The following WDR36 variants were observed in gnomAD, a reference collection of about 807,000 sequenced individuals.
WDR36 encodes WD repeat-containing protein 36.
Under a neutral mutation model 112.7 loss-of-function variants are expected in WDR36, and 63 were observed. The observed-to-expected ratio is 0.56, with a 90% confidence interval of 0.46 to 0.69. The LOEUF is 0.69. Among genes scored for constraint, WDR36 ranks in the 30% least tolerant of loss-of-function variants. WDR36 has a pLI of 0.00. For synonymous variants in WDR36, 410 were observed against 362.2 expected (o/e 1.13, Z -1.50); for missense variants, 1,226 against 1,070.3 (o/e 1.15, Z -2.03).
Position 111,110,814 on chromosome 5 carries a change from G to T in WDR36, c.1468G>T (p.Ala490Ser), listed in dbSNP as rs141994078. The stretch of plus-strand genomic sequence containing the variant: ...TCACAAGGGATCTGTTAGAGGTGTC[G>T]CAGTGGATGGATTAAACCAGTTGAC... ...QAHKGSVRGV[A>S]VDGLNQLTVT... The change falls in exon 14 of 23, where the codon GCA (alanine) becomes TCA (serine). Residue 490 changes from alanine (A) to serine (S), a missense_variant. Coordinates refer to ENST00000513710, the MANE Select transcript of WDR36 (RefSeq NM_139281.3). The T allele has an allele frequency of 5.6e-6, 9 of 1,610,966 alleles. No homozygotes were observed. Among genetic ancestry groups the T allele is most frequent in the Non-Finnish European group, 7.6e-6 (9 of 1,178,094 alleles).
chr5:111,093,202 G>C (rs1386259499), intron 1 of WDR36, among the ~76,000 whole-genome samples: 2 of 152,190 alleles, frequency 1.3e-5, no homozygotes, highest in African/African-American at 2.4e-5. Flanking sequence ...ATCTATTAAA[G>C]TAAATTTCAG....
In WDR36 at chr5:111,110,236, A is replaced by G; in HGVS notation, c.1374A>G (p.Ser458=). Residue 458 remains serine, a synonymous_variant, in exon 13 of 23, where the codon TCA becomes TCG. Coordinates refer to ENST00000513710, the MANE Select transcript of WDR36 (RefSeq NM_139281.3). ...GAAACTTTGCTGTAATTGGCCTCTCATCAGGAACTGTAGATGTATATAACA... is the reference window on the plus strand; with the variant it reads ...GAAACTTTGCTGTAATTGGCCTCTCGTCAGGAACTGTAGATGTATATAACA... The part of the protein sequence containing the change: ...SCGNFAVIGL[S]SGTVDVYNMQ... 6.2e-7 allele frequency: 1 copy of G among 1,610,604 alleles called. No individual in the cohort carries two copies. Among genetic ancestry groups the G allele is most frequent in the Non-Finnish European group, 8.5e-7 (1 of 1,177,312 alleles).
At chr5:111,108,231 TTTTTTGTTTTGTTTTG>T (rs1184027951) in intron 12 of WDR36, among the ~76,000 whole-genome samples, 71 of 151,348 alleles carry the variant, frequency 4.7e-4, no homozygotes, top group Non-Finnish European at 7.9e-4. Context: ...GAAGTAGAGT[TTTTTTGTTTTGTTTTG>T]TTTTTGTTTT....
chr5:111,104,614 G>C, intron 8 of WDR36, 83 bp from the exon 9 acceptor site: 1 of 1,601,576 alleles, frequency 6.2e-7, no homozygotes, highest in South Asian at 1.1e-5. Context: ...CTCAATACCA[G>C]TTGATTTATG....
intron 12 of WDR36, among the ~76,000 whole-genome samples, chr5:111,109,942 C>G (rs1310687803): frequency 6.6e-6 from 1 of 151,196 alleles, no homozygotes; most frequent in South Asian, 2.1e-4. Flanking sequence ...ATTGAGTTAA[C>G]CTTAGTTATG....
At chr5:111,106,994 T>A (rs1288409425) in intron 11 of WDR36, among the ~76,000 whole-genome samples, 1 of 151,468 alleles carries the variant, frequency 6.6e-6, no homozygotes, top group East Asian at 1.9e-4. Context: ...TGTCATACTT[T>A]ATTGTAATTT....
In WDR36 at chr5:111,123,837, A is replaced by G. The variant is rs200209204; in HGVS notation, c.2181A>G (p.Val727=). 4 of 1,613,948 alleles carry G rather than the reference A, an allele frequency of 2.5e-6. No individual in the cohort carries two copies. The Admixed American group carries it at 6.7e-5, about 27-fold the overall frequency. The change falls in exon 20 of 23, where the codon GTA becomes GTG. Residue 727 remains valine, a synonymous_variant. Coordinates refer to ENST00000513710, the MANE Select transcript of WDR36 (RefSeq NM_139281.3). ...ATAAACCAAAGGAACCACCCAAAGT[A>G]CCCAAATCAGCACCATTTTTCATTC... The part of the protein sequence containing the change: ...KKNKPKEPPK[V]PKSAPFFIPT...
Position 111,104,159 on chromosome 5 carries a change from A to G in WDR36, c.731-18A>G, listed in dbSNP as rs1011119715. The G allele has an allele frequency of 6.2e-7, 1 of 1,602,078 alleles. No homozygotes were observed. The highest frequency in any genetic ancestry group is 8.5e-7 in the Non-Finnish European group (1 of 1,171,810). ...GATCTAGAAGTATTTTTCTTAATGTATTTTATTTTAATAACAGATGGTCAT... is the reference window on the plus strand; with the variant it reads ...GATCTAGAAGTATTTTTCTTAATGTGTTTTATTTTAATAACAGATGGTCAT... On this transcript the variant is annotated intron_variant, in intron 7 of 22. Transcript: ENST00000513710.
chr5:111,108,970 C>T (rs928454256), intron 12 of WDR36, among the ~76,000 whole-genome samples: 3 of 151,254 alleles, frequency 2.0e-5, no homozygotes, highest in East Asian at 3.9e-4. Flanking sequence ...AGCAAAAATA[C>T]GTATAGAGAG....
intron 5 of WDR36, among the ~76,000 whole-genome samples, chr5:111,101,307 G>T (rs1753115971): frequency 6.6e-6 from 1 of 151,886 alleles, no homozygotes; most frequent in African/African-American, 2.4e-5. Flanking sequence ...AATTGCTATA[G>T]AGAAGGCTCT....
Position 111,106,107 on chromosome 5 carries a change from T to G in WDR36, c.1144T>G (p.Ser382Ala). Residue 382 changes from serine (S) to alanine (A), a missense_variant, in exon 11 of 23, where the codon TCA becomes GCA. Ser to Ala is a moderately conservative substitution (Grantham distance 99). Transcript: ENST00000513710. ...VKRKGLQNTMSVRLPPITKFA... is the reference protein window; with the variant it reads ...VKRKGLQNTMAVRLPPITKFA... Reference sequence around the variant, plus strand: ...ACGTAAAGGACTTCAGAATACCATGTCAGTGAGACTTCCACCCATCACAAA... The same window carrying G: ...ACGTAAAGGACTTCAGAATACCATGGCAGTGAGACTTCCACCCATCACAAA... 6.2e-7 allele frequency: 1 copy of G among 1,610,140 alleles called. No individual in the cohort carries two copies. The highest frequency in any genetic ancestry group is 1.1e-5 in the South Asian group (1 of 90,998).
chr5:111,124,530 G>C (rs537645412), intron 21 of WDR36, among the ~76,000 whole-genome samples: 1 of 152,098 alleles, frequency 6.6e-6, no homozygotes, highest in Non-Finnish European at 1.5e-5. Flanking sequence ...TTTGTAGCAA[G>C]TAATTTGCAA....
At chr5:111,105,512 C>CTTTGATGCTAGG in intron 10 of WDR36, 152 bp downstream of exon 10, 1 of 765,636 alleles carries the variant, frequency 1.3e-6, no homozygotes, top group Non-Finnish European at 2.2e-6. Flanking sequence ...TTCCTAGCAT[C>CTTTGATGCTAGG]AAAGTTGCTA....
rs371564253 is a variant in WDR36 at position 111,092,381 on chromosome 5, A to G, written c.-76A>G. The G allele has an allele frequency of 9.3e-6, 15 of 1,614,108 alleles. No homozygotes were observed. The highest frequency in any genetic ancestry group is 8.8e-5 in the South Asian group (8 of 91,090). On this transcript the variant is annotated 5_prime_UTR_variant, in exon 1 of 23. Transcript: ENST00000513710. ...TGCAGCTCTGGCAGAGGACTGTTCC[A>G]CTAGACACGCTGAAGGGACTGGGTA...
At chr5:111,112,158 G>A (rs1004365334) in intron 15 of WDR36, among the ~76,000 whole-genome samples, 1 of 151,666 alleles carries the variant, frequency 6.6e-6, no homozygotes, top group Non-Finnish European at 1.5e-5. Flanking sequence ...TGCTGAAATG[G>A]CACTTTTGAA....
rs1187568737 is a variant in WDR36 at position 111,127,553 on chromosome 5, A to G, written c.*670A>G. ...CCTGTTGTGTTGCAGGAGAGGAATC[A>G]GGCTAAAGTCTGCTGGTATTTCAGT... is the stretch of plus-strand genomic sequence containing the variant. On this transcript the variant is annotated 3_prime_UTR_variant, in exon 23 of 23. Transcript: ENST00000513710. 1 of 210,624 alleles carries G rather than the reference A, an allele frequency of 4.7e-6. No homozygotes were observed. The highest frequency in any genetic ancestry group is 9.7e-6 in the Non-Finnish European group (1 of 103,588). 13.0% of individuals were successfully genotyped at this position (210,624 alleles called of 1,614,324 possible).
chr5:111,120,679 T>A (rs1209396756), intron 18 of WDR36, 86 bp downstream of exon 18: 16 of 1,095,254 alleles, frequency 1.5e-5, no homozygotes, highest in African/African-American at 4.6e-5. Flanking sequence ...CAAAGTTTAG[T>A]GCATTCAATC....
At chr5:111,099,563 G>C (rs978607869) in intron 4 of WDR36, among the ~76,000 whole-genome samples, 1 of 115,110 alleles carries the variant, frequency 8.7e-6, no homozygotes, top group African/African-American at 3.2e-5. Flanking sequence ...TTCTTGTTTT[G>C]TTTTTGCTCA....
chr5:111,113,095 T>C lies in WDR36; in HGVS notation c.1738T>C (p.Trp580Arg). The C allele has an allele frequency of 6.7e-7, 1 of 1,497,682 alleles. No individual in the cohort carries two copies. Among genetic ancestry groups the C allele is most frequent in the Non-Finnish European group, 9.0e-7 (1 of 1,115,334 alleles). 92.8% of individuals were successfully genotyped at this position (1,497,682 alleles called of 1,614,324 possible). ...NDMAFSPDGR[W>R]LISAAMDCSI... ...AAAGGCTTTTAGTCCTGATGGTCGT[T>C]GGTTAATAAGTGCTGCGATGGATTG... The change falls in exon 16 of 23, where the codon TGG becomes CGG. Residue 580 changes from tryptophan (W) to arginine (R), a missense_variant. Physicochemically the swap from Trp to Arg is moderately radical, Grantham distance 101. Coordinates refer to ENST00000513710, the MANE Select transcript of WDR36 (RefSeq NM_139281.3).
Sources: gnomAD v4.1 joint callset for allele counts (sites outside exome capture counted in the v4.1 genomes callset) on GRCh38, gnomAD v4.1.1 for gene constraint, MANE v1.5 for transcripts, NCBI Gene and HGNC (gene_info 2026-07-23, HGNC 2026-07-21) for gene names.